Variants in NFIC observed in about 807,000 individuals in gnomAD.
NFIC encodes the protein nuclear factor 1 C-type.
Under a neutral mutation model 54.4 loss-of-function variants are expected in NFIC, and 12 were observed. The ratio of observed to expected loss-of-function variants is 0.22; its 90% CI spans 0.14 to 0.36. The LOEUF is 0.36. NFIC is among the 10% of genes least tolerant of loss of function. The probability of loss-of-function intolerance (pLI) is 1.00; values close to 1 mark genes in which losing one functional copy is unlikely to be tolerated. For missense variants in NFIC, 575 were observed against 718.2 expected, an observed-to-expected ratio of 0.80 and a Z score of 2.28; for synonymous variants, 322 against 319.2, an observed-to-expected ratio of 1.01 and a Z score of -0.09.
At position 3,452,758 on chromosome 19, in the gene NFIC, T is replaced by A. The variant is rs1183681266; in HGVS notation, c.1269+92T>A. On this transcript the variant is annotated intron_variant, in intron 8 of 10. Coordinates refer to ENST00000443272, the MANE Select transcript of NFIC (RefSeq NM_001245002.2). This position sits in a 1 kb window ranked among gnomAD's most constrained non-coding sequence, Gnocchi z 5.3. ...CTCACACGAAGGCACAACCTCTGCTTAAAAGGGTCTTGAGGACTTGGCTCT... is the reference window on the plus strand; with the variant it reads ...CTCACACGAAGGCACAACCTCTGCTAAAAAGGGTCTTGAGGACTTGGCTCT... The A allele has an allele frequency of 6.9e-7, 1 of 1,441,310 alleles. No individual in the cohort carries two copies. Among genetic ancestry groups the A allele is most frequent in the African/African-American group, 1.4e-5 (1 of 69,918 alleles). 89.3% of individuals were successfully genotyped at this position (1,441,310 alleles called of 1,614,324 possible). A position where few individuals can be genotyped will look rare whatever the true frequency, so the allele number is the denominator to read the frequency against.
chr19:3,463,288 C>G lies in NFIC; in HGVS notation c.*519C>G, dbSNP rs1392838581. 1.2e-5 allele frequency: 12 copies of G among 989,160 alleles called. No homozygotes were observed. The highest frequency in any genetic ancestry group is 4.6e-5 in the South Asian group (1 of 21,610). 61.3% of individuals were successfully genotyped at this position (989,160 alleles called of 1,614,324 possible). Reference sequence around the variant, plus strand: ...TCTCCCCGGGCCCCCGCGCCTCTGCCGGACACGGACCGGCCCCTCAGCCCC... The same window carrying G: ...TCTCCCCGGGCCCCCGCGCCTCTGCGGGACACGGACCGGCCCCTCAGCCCC... On this transcript the variant is annotated 3_prime_UTR_variant, in exon 11 of 11. Coordinates refer to ENST00000443272, the MANE Select transcript of NFIC (RefSeq NM_001245002.2).
chr19:3,396,780 A>G (rs1168722930), intron 2 of NFIC, among the ~76,000 whole-genome samples: 1 of 151,998 alleles, frequency 6.6e-6, no homozygotes, highest in Non-Finnish European at 1.5e-5. Context: ...ACATGGCAAA[A>G]CCCTATCTCT....
At chr19:3,393,816 C>CAAAA (rs35101011) in intron 2 of NFIC, among the ~76,000 whole-genome samples, 5 of 55,696 alleles carry the variant, frequency 9.0e-5, no homozygotes, top group Non-Finnish European at 1.7e-4. Flanking sequence ...GACTCTGTCT[C>CAAAA]AAAAAAAAAA....
chr19:3,469,139 G>T lies in NFIC; in HGVS notation c.*6370G>T, dbSNP rs1013884557. On this transcript the variant is annotated 3_prime_UTR_variant, in exon 11 of 11. Transcript: ENST00000443272. ...ATGAAAAAAGGGGGATTCCATAAAA[G>T]ATTCAATAAAAGACAAACAAAAAAA... 35 of 144,106 alleles carry T rather than the reference G, an allele frequency of 2.4e-4. No individual in the cohort carries two copies. The highest frequency in any genetic ancestry group is 5.0e-4 in the Non-Finnish European group (33 of 66,470). 8.9% of individuals were successfully genotyped at this position (144,106 alleles called of 1,614,324 possible). A position where few individuals can be genotyped will look rare whatever the true frequency, so the allele number is the denominator to read the frequency against.
At position 3,464,290 on chromosome 19, in the gene NFIC, C is replaced by T. The variant is rs140546305; in HGVS notation, c.*1521C>T. On this transcript the variant is annotated 3_prime_UTR_variant, in exon 11 of 11. Transcript: ENST00000443272. ...CGGGGAGGGTTTTCGGGGGGTTCGG[C>T]GTCGCACCTTGGGGCCCCCCGCAGC... 8.4e-5 allele frequency: 83 copies of T among 985,268 alleles called. No homozygotes were observed. The African/African-American group carries it at 1.4e-3, about 16-fold the overall frequency. 61.0% of individuals were successfully genotyped at this position (985,268 alleles called of 1,614,324 possible).
At chr19:3,405,120 A>G (rs1216366762) in intron 2 of NFIC, among the ~76,000 whole-genome samples, 1 of 152,244 alleles carries the variant, frequency 6.6e-6, no homozygotes, top group Non-Finnish European at 1.5e-5. Flanking sequence ...GTGATTCCGA[A>G]GCAGGTTGGC....
intron 2 of NFIC, among the ~76,000 whole-genome samples, chr19:3,392,379 GA>G (rs2081390091): frequency 6.6e-6 from 1 of 152,154 alleles, no homozygotes; most frequent in Non-Finnish European, 1.5e-5. Flanking sequence ...GCCTAAATGA[GA>G]TAATATCTAT....
chr19:3,456,736 C>G (rs2121932036), intron 10 of NFIC, 101 bp downstream of exon 10: 1 of 1,187,638 alleles, frequency 8.4e-7, no homozygotes, highest in East Asian at 2.6e-5. Flanking sequence ...CCACGCCACA[C>G]CCCTGGCACA....
At chr19:3,387,267 C>T (rs535445930) in intron 2 of NFIC, among the ~76,000 whole-genome samples, 328 of 152,292 alleles carry the variant, frequency 2.2e-3, no homozygotes, top group African/African-American at 7.7e-3. Flanking sequence ...TTCGGGAGGC[C>T]GAGGCAGGCG....
rs1346040957 is a variant in NFIC, at chr19:3,462,402, A to C, written c.1510-350A>C. Among the ~76,000 whole-genome samples the C allele has an allele frequency of 2.0e-5, 3 of 152,320 alleles. No individual in the cohort carries two copies. The East Asian group carries it at 5.8e-4, about 29-fold the overall frequency. Reference sequence around the variant, plus strand: ...CATCTCAAAAAATAAAATAATAAATAAAATATAAAATACAGTTCCAGATAA... The same window carrying C: ...CATCTCAAAAAATAAAATAATAAATCAAATATAAAATACAGTTCCAGATAA... On this transcript the variant is annotated intron_variant, in intron 10 of 10. Coordinates refer to ENST00000443272, the MANE Select transcript of NFIC (RefSeq NM_001245002.2).
intron 6 of NFIC, among the ~76,000 whole-genome samples, chr19:3,443,319 G>C (rs1171096088): frequency 6.6e-6 from 1 of 151,974 alleles, no homozygotes; most frequent in African/African-American, 2.4e-5. Flanking sequence ...CTACTCGAGA[G>C]GCTGAGGTTG....
intron 1 of NFIC, among the ~76,000 whole-genome samples, chr19:3,367,597 G>T (rs1455354477): frequency 2.6e-5 from 4 of 152,216 alleles, no homozygotes; most frequent in Admixed American, 6.5e-5. Flanking sequence ...TCCCCCCGGG[G>T]ACTCCTTCCA....
chr19:3,456,573 C>T lies in NFIC; in HGVS notation c.1447C>T (p.Pro483Ser). 4 of 1,553,872 alleles carry T rather than the reference C, an allele frequency of 2.6e-6. No individual in the cohort carries two copies. The South Asian group carries it at 4.7e-5, about 18-fold the overall frequency. Reference protein sequence around the residue: ...SPSYSPPDTSPANRSFVGLGP... With the variant: ...SPSYSPPDTSSANRSFVGLGP... ...AGCCTACTCTCCGCCCGACACGTCC[C>T]CTGCAAACCGTTCCTTTGTGGGATT... Residue 483 changes from proline to serine, a missense_variant, in exon 10 of 11, where the codon CCT (proline) becomes TCT (serine). This residue lies in a region of NFIC where 447 missense variants were observed against 526.9 expected (regional missense o/e 0.85). Transcript: ENST00000443272.
In NFIC at chr19:3,405,826, C is replaced by T. The variant is rs571409255; in HGVS notation, c.563-19280C>T. Among the ~76,000 whole-genome samples the T allele has an allele frequency of 4.5e-4, 68 of 152,184 alleles. 1 individual carries two copies. The highest frequency in any genetic ancestry group is 4.3e-3 in the Admixed American group (65 of 15,254). ...CCATGTTGGCCAGGCTGGTCTCGAA[C>T]TCCTGACCTCAGGTGATCTGCCTGC... On this transcript the variant is annotated intron_variant, in intron 2 of 10. Coordinates refer to ENST00000443272, the MANE Select transcript of NFIC (RefSeq NM_001245002.2).
chr19:3,429,134 T>TACAAAC (rs754404318), intron 3 of NFIC, among the ~76,000 whole-genome samples: 1 of 67,162 alleles, frequency 1.5e-5, no homozygotes, highest in African/African-American at 6.3e-5. Flanking sequence ...AAAAAAAAAA[T>TACAAAC]ATACACACAC....
intron 5 of NFIC, 171 bp from the exon 6 acceptor site, chr19:3,434,912 G>C: frequency 3.5e-6 from 3 of 864,808 alleles, no homozygotes; most frequent in Non-Finnish European, 5.2e-6. Flanking sequence ...GGACAGGTTG[G>C]AACAGGCGTT....
At chr19:3,420,386 C>A (rs1359172257) in intron 2 of NFIC, among the ~76,000 whole-genome samples, 1 of 151,732 alleles carries the variant, frequency 6.6e-6, no homozygotes, top group Non-Finnish European at 1.5e-5. Context: ...ACTAAAAATA[C>A]AACAAAAATT....
Position 3,394,523 on chromosome 19 carries a change from A to ACCCCCCCC in NFIC, c.562+12286_562+12287insCCCCCCCC, listed in dbSNP as rs1387633539. Among the ~76,000 whole-genome samples, 7 of 51,172 alleles carry ACCCCCCCC rather than the reference A, an allele frequency of 1.4e-4. 1 individual carries two copies. Among genetic ancestry groups the ACCCCCCCC allele is most frequent in the African/African-American group, 5.1e-4 (4 of 7,836 alleles). 33.6% of individuals were successfully genotyped at this position (51,172 alleles called of 152,430 possible). A position where few individuals can be genotyped will look rare whatever the true frequency, so the allele number is the denominator to read the frequency against. ...GTATTTTATGATCTTTTCCCCACCCACCCCCCACCCGCTTACACTAAGTCT... is the reference window on the plus strand; with the variant it reads ...GTATTTTATGATCTTTTCCCCACCCACCCCCCCCCCCCCCACCCGCTTACACTAAGTCT... On this transcript the variant is annotated intron_variant, in intron 2 of 10. Transcript: ENST00000443272.
chr19:3,442,638 C>T (rs889242183), intron 6 of NFIC, among the ~76,000 whole-genome samples: 7 of 152,054 alleles, frequency 4.6e-5, no homozygotes, highest in Non-Finnish European at 1.0e-4. Context: ...CCGCCCGCCT[C>T]GGCCTCCCAC....
Sources: allele counts gnomAD v4.1 joint callset (sites outside exome capture counted in the v4.1 genomes callset), GRCh38; gene constraint gnomAD v4.1.1; regional missense constraint gnomAD v4.1.1; non-coding constraint Gnocchi (gnomAD v3.1); transcripts MANE v1.5; gene names NCBI Gene and HGNC (gene_info 2026-07-23, HGNC 2026-07-21).